Variants in PDZD9 observed in about 807,000 individuals in gnomAD.
PDZD9 encodes the protein PDZ domain containing 9, also known as PDZ domain-containing protein 9.
In PDZD9, 13 loss-of-function variants were observed where a neutral mutation model predicts 16.3. That is an observed-to-expected ratio of 0.80 (90% CI 0.52 to 1.27). The LOEUF (loss-of-function observed/expected upper bound fraction) is 1.27, where lower values mean the gene tolerates loss of function less well. Among genes scored for constraint, PDZD9 ranks in the 50% most tolerant of loss-of-function variants. PDZD9 has a pLI of 0.00. For missense variants in PDZD9, 288 were observed against 310.9 expected (o/e 0.93, Z 0.55); for synonymous variants, 120 against 111.0 (o/e 1.08, Z -0.51).
the PDZD9 span, among the ~76,000 whole-genome samples, chr16:21,967,437 G>A: frequency 3.1e-4 from 45 of 146,926 alleles, no homozygotes; most frequent in African/African-American, 1.1e-3. Flanking sequence ...GAAGTCGTAA[G>A]TTTTTTTTTT....
At chr16:21,974,484 T>A in the PDZD9 span, among the ~76,000 whole-genome samples, 1 of 152,222 alleles carries the variant, frequency 6.6e-6, no homozygotes, top group Non-Finnish European at 1.5e-5. Context: ...AACACCATTT[T>A]GACCCACAGT....
the PDZD9 span, among the ~76,000 whole-genome samples, chr16:21,965,842 T>C: frequency 1.1e-4 from 16 of 152,274 alleles, no homozygotes; most frequent in African/African-American, 2.6e-4. Flanking sequence ...TCTGTGTGTA[T>C]GTATCTTTTT....
downstream of PDZD9, among the ~76,000 whole-genome samples, chr16:21,979,373 T>C (rs1017890070): frequency 2.0e-5 from 3 of 152,348 alleles, no homozygotes; most frequent in South Asian, 6.2e-4. Context: ...ACGATGGGGA[T>C]ACATTCTGAG....
the PDZD9 span, among the ~76,000 whole-genome samples, chr16:21,961,089 G>T: frequency 6.6e-6 from 1 of 152,094 alleles, no homozygotes; most frequent in Admixed American, 6.6e-5. Context: ...CCTCAGCCCA[G>T]CATGCTGGGA....
intron 2 of PDZD9, among the ~76,000 whole-genome samples, chr16:21,995,819 G>T (rs531866145): frequency 2.0e-5 from 3 of 151,250 alleles, no homozygotes; most frequent in Non-Finnish European, 4.4e-5. Context: ...TTTTTGAGAC[G>T]GAGTCTCTGT....
chr16:21,976,177 C>T, the PDZD9 span: 1 of 1,613,760 alleles, frequency 6.2e-7, no homozygotes, highest in Non-Finnish European at 8.5e-7. Flanking sequence ...GTTATCAAGG[C>T]TGCCTATAAT....
At chr16:21,994,680 T>TA (rs1386010827) in intron 2 of PDZD9, among the ~76,000 whole-genome samples, 1 of 152,172 alleles carries the variant, frequency 6.6e-6, no homozygotes, top group Non-Finnish European at 1.5e-5. Context: ...AGCTAAGTGT[T>TA]AGCAATGCTT....
downstream of PDZD9, among the ~76,000 whole-genome samples, chr16:21,979,470 C>G (rs1351408578): frequency 6.6e-6 from 1 of 152,124 alleles, no homozygotes; most frequent in Admixed American, 6.5e-5. Flanking sequence ...CACATGGGCT[C>G]TATGGTATAG....
downstream of PDZD9, chr16:21,983,521 A>G (rs1898788468): frequency 6.5e-6 from 2 of 309,620 alleles, no homozygotes; most frequent in Non-Finnish European, 1.2e-5. Context: ...CCAGATTACT[A>G]TTGGTGGCGT....
downstream of PDZD9, among the ~76,000 whole-genome samples, chr16:21,982,257 A>G (rs1898750279): frequency 6.6e-6 from 1 of 152,158 alleles, no homozygotes; most frequent in South Asian, 2.1e-4. Context: ...CTGGCCTGAC[A>G]GAATATGGGG....
Position 21,984,387 on chromosome 16 carries a change from C to G in PDZD9, c.675G>C (p.Met225Ile). 1 of 1,614,138 alleles carries G rather than the reference C, an allele frequency of 6.2e-7. No individual in the cohort carries two copies. Among genetic ancestry groups the G allele is most frequent in the Middle Eastern group, 1.7e-4 (1 of 6,060 alleles). ...EVRAPSPYWI[M>I]VKQDNESSSS... ...AAGAGCTTTCATTGTCTTGCTTCAC[C>G]ATTATCCAGTATGGAGAAGGGGCCC... The change falls in exon 4 of 4, where the codon ATG becomes ATC. Residue 225 changes from methionine to isoleucine, a missense_variant. Met to Ile is a conservative substitution (Grantham distance 10). Transcript: ENST00000424898.
the PDZD9 span, among the ~76,000 whole-genome samples, chr16:21,960,388 A>G: frequency 6.6e-6 from 1 of 152,226 alleles, no homozygotes; most frequent in East Asian, 1.9e-4. Flanking sequence ...GCCTTCATAT[A>G]ATTGAAGAGA....
In PDZD9 at chr16:21,984,483, GTTC is replaced by G. The variant is rs775919053; in HGVS notation, c.576_578del (p.Lys192del). 6.6e-5 allele frequency: 106 copies of G among 1,611,608 alleles called. No individual in the cohort carries two copies. The highest frequency in any genetic ancestry group is 3.3e-4 in the Middle Eastern group (2 of 6,054). On this transcript the variant is annotated inframe_deletion, in exon 4 of 4. Transcript: ENST00000424898. The stretch of plus-strand genomic sequence containing the variant: ...TGTCTTTTCCTACACTAATAGTATG[GTTC>G]TTCTTCTTATATCCATGCCAGTCTC...
chr16:21,974,089 A>G, the PDZD9 span: 2 of 904,898 alleles, frequency 2.2e-6, no homozygotes, highest in South Asian at 3.2e-5. Flanking sequence ...ATGACTTATC[A>G]GAGCTCTGTA....
At chr16:21,974,777 C>T in the PDZD9 span, among the ~76,000 whole-genome samples, 5 of 152,186 alleles carry the variant, frequency 3.3e-5, no homozygotes, top group Admixed American at 3.3e-4. Flanking sequence ...TTATAAATGG[C>T]TCAAGTCTGA....
chr16:21,976,135 C>T, the PDZD9 span: 13 of 1,556,402 alleles, frequency 8.4e-6, no homozygotes, highest in South Asian at 1.3e-4. Flanking sequence ...TGGTACTGAC[C>T]ACAGATGACC....
the PDZD9 span, among the ~76,000 whole-genome samples, chr16:21,961,642 ATATATATATATATATATATATATATATTT>A: frequency 2.7e-5 from 2 of 73,272 alleles, no homozygotes; most frequent in Non-Finnish European, 5.2e-5. Flanking sequence ...ATATATATAT[ATATATATATATATATATATATATATATTT>A]TAGACAGTCT....
At chr16:21,983,210 C>G, downstream of PDZD9, 1 of 1,579,068 alleles carries the variant, frequency 6.3e-7, no homozygotes, top group Non-Finnish European at 8.7e-7. Flanking sequence ...TGAACGTTCT[C>G]TCAGCCCAGA....
At chr16:21,971,796 C>A in the PDZD9 span, 1 of 1,393,880 alleles carries the variant, frequency 7.2e-7, no homozygotes, top group Non-Finnish European at 1.0e-6. Context: ...GACAGGATGG[C>A]ATGGGGAAAG....
Sources: gnomAD v4.1 joint callset for allele counts (sites outside exome capture counted in the v4.1 genomes callset) on GRCh38, gnomAD v4.1.1 for gene constraint, MANE v1.5 for transcripts, NCBI Gene and HGNC (gene_info 2026-07-23, HGNC 2026-07-21) for gene names.